Variants in FGD6 observed in about 807,000 individuals in gnomAD.
FGD6 encodes FYVE, RhoGEF and PH domain-containing protein 6.
In FGD6, 90 loss-of-function variants were observed where a neutral mutation model predicts 149.4. That is an observed-to-expected ratio of 0.60 (90% confidence interval 0.51 to 0.72). The LOEUF (loss-of-function observed/expected upper bound fraction) is 0.72, where lower values mean the gene tolerates loss of function less well. Among genes scored for constraint, FGD6 ranks in the 30% least tolerant of loss-of-function variants. The pLI is 0.00. For missense variants in FGD6, 1,437 were observed against 1,684.8 expected, an observed-to-expected ratio of 0.85 and a Z score of 2.57; for synonymous variants, 527 against 584.0, an observed-to-expected ratio of 0.90 and a Z score of 1.41.
At chr12:95,160,704 GACAA>G (rs1168864866) in intron 3 of FGD6, among the ~76,000 whole-genome samples, 4 of 152,104 alleles carry the variant, frequency 2.6e-5, no homozygotes, top group African/African-American at 9.7e-5. Flanking sequence ...ATAAATTACT[GACAA>G]ACAACTTAGG....
chr12:95,088,209 C>T (rs907831931), intron 18 of FGD6, among the ~76,000 whole-genome samples: 1 of 152,108 alleles, frequency 6.6e-6, no homozygotes, highest in African/African-American at 2.4e-5. Context: ...ACATGTCTTC[C>T]AATGATTTGA....
At chr12:95,081,617 T>C (rs1877673983) in intron 20 of FGD6, 61 bp from the exon 21 acceptor site, 1 of 1,167,974 alleles carries the variant, frequency 8.6e-7, no homozygotes. Flanking sequence ...GTGAACACCA[T>C]ATAGATGACA....
At chr12:95,174,686 T>G (rs1167587255) in intron 2 of FGD6, among the ~76,000 whole-genome samples, 1 of 152,108 alleles carries the variant, frequency 6.6e-6, no homozygotes, top group Admixed American at 6.5e-5. Context: ...CCCAGCACTT[T>G]GGGAAGCTGA....
At chr12:95,193,524 ATTC>A (rs1169192943) in intron 2 of FGD6, among the ~76,000 whole-genome samples, 7 of 143,872 alleles carry the variant, frequency 4.9e-5, no homozygotes, top group African/African-American at 1.6e-4. Context: ...CACCTGGTTA[ATTC>A]TTGTTTTTTT....
rs1194342991 is a variant in FGD6, at chr12:95,105,766, G to A, written c.3418-680C>T. Among the ~76,000 whole-genome samples the A allele has an allele frequency of 2.0e-5, 3 of 152,188 alleles. No homozygotes were observed. In the East Asian group the frequency reaches 5.8e-4, roughly 29 times the overall value. On this transcript the variant is annotated intron_variant, in intron 13 of 20. Transcript: ENST00000343958. ...AGGCAGGGCGCAGTGGCTCACGCCTGTAATCTCAGCACTTTGGGATGCGAC... is the reference window on the plus strand; with the variant it reads ...AGGCAGGGCGCAGTGGCTCACGCCTATAATCTCAGCACTTTGGGATGCGAC...
At chr12:95,102,132 G>A (rs904215186) in intron 14 of FGD6, among the ~76,000 whole-genome samples, 1 of 151,480 alleles carries the variant, frequency 6.6e-6, no homozygotes, top group African/African-American at 2.4e-5. Context: ...TATGGTGAAA[G>A]GTCATCTCTA....
At chr12:95,098,856 G>A (rs1421298666) in intron 14 of FGD6, among the ~76,000 whole-genome samples, 1 of 148,402 alleles carries the variant, frequency 6.7e-6, no homozygotes, top group Non-Finnish European at 1.5e-5. Context: ...AGTGAAGGAA[G>A]GGCCCTTTTA....
intron 15 of FGD6, 88 bp downstream of exon 15, chr12:95,094,504 A>G: frequency 1.2e-6 from 1 of 832,934 alleles, no homozygotes; most frequent in Non-Finnish European, 1.9e-6. Flanking sequence ...TTTCTGAAAC[A>G]CATGTTGCTT....
chr12:95,210,318 A>T lies in FGD6; in HGVS notation c.966T>A (p.Thr322=), dbSNP rs2056718732. The T allele has an allele frequency of 6.2e-7, 1 of 1,614,016 alleles. No homozygotes were observed. Among genetic ancestry groups the T allele is most frequent in the South Asian group, 1.1e-5 (1 of 91,040 alleles). Residue 322 remains threonine, a synonymous_variant, in exon 2 of 21, where the codon ACT becomes ACA. Coordinates refer to ENST00000343958, the MANE Select transcript of FGD6 (RefSeq NM_018351.4). The part of the protein sequence containing the change: ...FPTPKPRKTR[T]ARLLRQKCVD... ...CACACTTTTGGCGTAACAGACGAGC[A>T]GTTCGTGTCTTTCTGGGCTTGGGAG...
chr12:95,178,516 A>G (rs914053066), intron 2 of FGD6, among the ~76,000 whole-genome samples: 1 of 152,218 alleles, frequency 6.6e-6, no homozygotes, highest in Non-Finnish European at 1.5e-5. Context: ...TTATTGAATA[A>G]GTATAATAGC....
At chr12:95,158,853 C>T (rs1179328588) in intron 3 of FGD6, among the ~76,000 whole-genome samples, 1 of 149,726 alleles carries the variant, frequency 6.7e-6, no homozygotes. Flanking sequence ...GAGACCATGT[C>T]GTTAGTAAAA....
rs373404530 is a variant in FGD6 at position 95,135,996 on chromosome 12, GA to G, written c.2995-1171del. ...GAGAGGAAAAGAAGAAAAAATTACA[GA>G]TGACTTTAAAATTTAATTATTTGTC... On this transcript the variant is annotated intron_variant, in intron 7 of 20. Transcript: ENST00000343958. Among the ~76,000 whole-genome samples the G allele has an allele frequency of 9.9e-5, 15 of 152,282 alleles. No homozygotes were observed. The East Asian group carries it at 2.7e-3, about 27-fold the overall frequency.
chr12:95,084,795 A>T (rs986482193), intron 19 of FGD6, 149 bp from the exon 20 acceptor site: 6 of 668,902 alleles, frequency 9.0e-6, no homozygotes, highest in African/African-American at 7.5e-5. Flanking sequence ...CTTCTCATTT[A>T]TTCAATAATA....
At chr12:95,148,925 G>T (rs371831538) in intron 5 of FGD6, among the ~76,000 whole-genome samples, 206 of 4,098 alleles carry the variant, frequency 0.05, 7 homozygotes, top group Non-Finnish European at 0.062. Flanking sequence ...TATTATATAA[G>T]ATATAGCATA....
rs746575301 is a variant in FGD6 at position 95,113,691 on chromosome 12, C to T, written c.3093G>A (p.Lys1031=). The T allele has an allele frequency of 2.1e-5, 33 of 1,589,624 alleles. No individual in the cohort carries two copies. Among genetic ancestry groups the T allele is most frequent in the Non-Finnish European group, 2.8e-5 (33 of 1,168,662 alleles). ...QYRLLLTDYL[K]NLIEDAGDYR... Reference sequence around the variant, plus strand: ...AATCTCCAGCATCTTCTATGAGATTCTTCAAATAATCTAGAAAAGAAGAAA... The same window carrying T: ...AATCTCCAGCATCTTCTATGAGATTTTTCAAATAATCTAGAAAAGAAGAAA... The change falls in exon 9 of 21, where the codon AAG becomes AAA. Residue 1031 remains lysine (K), a synonymous_variant. Transcript: ENST00000343958.
intron 17 of FGD6, among the ~76,000 whole-genome samples, chr12:95,091,172 G>A (rs1878043290): frequency 6.6e-6 from 1 of 152,160 alleles, no homozygotes; most frequent in Non-Finnish European, 1.5e-5. Context: ...ACATAGACCT[G>A]AGCAGTCCTG....
chr12:95,094,830 T>C (rs1050444083), intron 14 of FGD6, 136 bp from the exon 15 acceptor site: 10 of 642,054 alleles, frequency 1.6e-5, no homozygotes, highest in Admixed American at 1.4e-4. Flanking sequence ...CTCCTCAGAG[T>C]TGAGGCAGGT....
At chr12:95,165,828 G>A (rs1880794730) in intron 3 of FGD6, among the ~76,000 whole-genome samples, 1 of 149,904 alleles carries the variant, frequency 6.7e-6, no homozygotes, top group South Asian at 2.1e-4. Flanking sequence ...TTTTTTTTTT[G>A]TAGGCATGGG....
At chr12:95,187,661 AAC>A (rs1208413849) in intron 2 of FGD6, among the ~76,000 whole-genome samples, 15 of 151,570 alleles carry the variant, frequency 9.9e-5, no homozygotes, top group African/African-American at 2.9e-4. Context: ...CCAAAAAAAA[AAC>A]AAAAAAAAAA....
Sources: gnomAD v4.1 joint callset for allele counts (sites outside exome capture counted in the v4.1 genomes callset) on GRCh38, gnomAD v4.1.1 for gene constraint, MANE v1.5 for transcripts, NCBI Gene and HGNC (gene_info 2026-07-23, HGNC 2026-07-21) for gene names.